Variants in CACNA2D1 observed in about 807,000 individuals in gnomAD.
The protein encoded by CACNA2D1 is voltage-dependent calcium channel subunit alpha-2/delta-1.
Under a neutral mutation model 171.5 loss-of-function variants are expected in CACNA2D1, and 53 were observed. That is an observed-to-expected ratio of 0.31 (90% confidence interval 0.25 to 0.39). The LOEUF (loss-of-function observed/expected upper bound fraction) is 0.39. Among genes scored for constraint, CACNA2D1 ranks in the 10% least tolerant of loss-of-function variants. The probability of loss-of-function intolerance (pLI) is 1.00; values close to 1 mark genes in which losing one functional copy is unlikely to be tolerated. For missense variants in CACNA2D1, 903 were observed against 1,299.8 expected (o/e 0.69, Z 4.69); for synonymous variants, 442 against 443.1 (o/e 1.00, Z 0.03).
intron 31 of CACNA2D1, among the ~76,000 whole-genome samples, chr7:81,966,205 T>G (rs1195696890): frequency 1.1e-5 from 1 of 95,224 alleles, no homozygotes; most frequent in Admixed American, 1.1e-4. Flanking sequence ...CCATGGTTAA[T>G]ACTTACTTCA....
At chr7:82,141,555 T>A (rs1375187501) in intron 4 of CACNA2D1, among the ~76,000 whole-genome samples, 1 of 151,966 alleles carries the variant, frequency 6.6e-6, no homozygotes, top group African/African-American at 2.4e-5. Context: ...ATTCAACAAT[T>A]ATTTTGGCAA....
At chr7:82,389,046 G>A (rs901841630) in intron 1 of CACNA2D1, among the ~76,000 whole-genome samples, 1 of 151,368 alleles carries the variant, frequency 6.6e-6, no homozygotes, top group African/African-American at 2.4e-5. Context: ...AACCTGGGAG[G>A]TGGAGGTTGC....
intron 21 of CACNA2D1, among the ~76,000 whole-genome samples, chr7:81,985,755 T>C (rs1459061003): frequency 1.3e-5 from 2 of 152,212 alleles, no homozygotes; most frequent in Non-Finnish European, 2.9e-5. Context: ...TAATAGGAAA[T>C]GTGTCTTGAG....
rs143230847 is a variant in CACNA2D1, at chr7:81,971,770, T to C, written c.2141+7A>G. On this transcript the variant is annotated splice_region_variant and intron_variant, in intron 26 of 38. Transcript: ENST00000356860. ...ACATATTTTTATTAATAAGAACAAATACTTACATATTTTTCTGCTTACTCC... is the reference window on the plus strand; with the variant it reads ...ACATATTTTTATTAATAAGAACAAACACTTACATATTTTTCTGCTTACTCC... The C allele has an allele frequency of 1.5e-5, 22 of 1,483,810 alleles. No homozygotes were observed. Among genetic ancestry groups the C allele is most frequent in the Non-Finnish European group, 1.9e-5 (20 of 1,062,620 alleles). The allele number at this position is 1,483,810 out of a possible 1,614,324, so 91.9% of individuals were successfully genotyped here. A position where few individuals can be genotyped will look rare whatever the true frequency, so the allele number is the denominator to read the frequency against.
At chr7:82,185,033 T>C (rs762521234) in intron 3 of CACNA2D1, among the ~76,000 whole-genome samples, 1 of 152,156 alleles carries the variant, frequency 6.6e-6, no homozygotes, top group Non-Finnish European at 1.5e-5. Context: ...GGCTACCTAT[T>C]CCAGAGTCCT....
At chr7:82,238,090 GA>G (rs954714604) in intron 3 of CACNA2D1, among the ~76,000 whole-genome samples, 22 of 152,030 alleles carry the variant, frequency 1.4e-4, no homozygotes, top group African/African-American at 4.8e-4. Flanking sequence ...ATGAGGAAAT[GA>G]AAAGATAGAG....
At position 82,049,949 on chromosome 7, in the gene CACNA2D1, C is replaced by T. The variant is rs118167855; in HGVS notation, c.879+10479G>A. Among the ~76,000 whole-genome samples, 110 of 152,248 alleles carry T rather than the reference C, an allele frequency of 7.2e-4. 3 individuals are homozygous for T. In the East Asian group the frequency reaches 0.02, roughly 28 times the overall value. ...CTCTGGCAAAAAGAGGGTCTGTTTT[C>T]TAAGAAACTTTTAGCACTGGGGGAT... On this transcript the variant is annotated intron_variant, in intron 10 of 38. Transcript: ENST00000356860.
chr7:82,066,167 C>A (rs1421464076), intron 8 of CACNA2D1, among the ~76,000 whole-genome samples: 1 of 151,968 alleles, frequency 6.6e-6, no homozygotes, highest in African/African-American at 2.4e-5. Flanking sequence ...TGGATCCCTG[C>A]CATAGAAATC....
At chr7:82,111,446 T>TATATA (rs1305523365) in intron 6 of CACNA2D1, among the ~76,000 whole-genome samples, 31 of 80,334 alleles carry the variant, frequency 3.9e-4, no homozygotes, top group East Asian at 1.6e-3. Context: ...ATATATATAT[T>TATATA]TTTTTTTTTT....
intron 1 of CACNA2D1, among the ~76,000 whole-genome samples, chr7:82,406,893 A>G (rs1427581355): frequency 6.6e-6 from 1 of 152,182 alleles, no homozygotes; most frequent in Non-Finnish European, 1.5e-5. Flanking sequence ...CTTTATCCAG[A>G]TAATTCCTCC....
chr7:82,111,258 A>C (rs1430202710), intron 6 of CACNA2D1, among the ~76,000 whole-genome samples: 2 of 143,386 alleles, frequency 1.4e-5, no homozygotes, highest in Non-Finnish European at 3.0e-5. Flanking sequence ...TTTCCTTGAT[A>C]TATATATATA....
At chr7:82,276,994 C>T (rs1411219618) in intron 3 of CACNA2D1, among the ~76,000 whole-genome samples, 1 of 152,074 alleles carries the variant, frequency 6.6e-6, no homozygotes, top group Non-Finnish European at 1.5e-5. Flanking sequence ...GATCTGCCTG[C>T]CTCAGCCTCC....
At chr7:82,186,655 A>T (rs1016035233) in intron 3 of CACNA2D1, among the ~76,000 whole-genome samples, 1 of 152,154 alleles carries the variant, frequency 6.6e-6, no homozygotes, top group Non-Finnish European at 1.5e-5. Flanking sequence ...TTTATTATAC[A>T]CTATTTTATC....
chr7:82,140,208 T>C (rs1368060556), intron 4 of CACNA2D1, among the ~76,000 whole-genome samples: 16 of 152,118 alleles, frequency 1.1e-4, no homozygotes, highest in Admixed American at 1.0e-3. Flanking sequence ...GAGAAAGCAC[T>C]TACTCAAATA....
chr7:82,151,144 A>G (rs1271251053), intron 4 of CACNA2D1, among the ~76,000 whole-genome samples: 1 of 152,144 alleles, frequency 6.6e-6, no homozygotes, highest in Non-Finnish European at 1.5e-5. Flanking sequence ...GTTAAATTGT[A>G]TTCTTTATTT....
intron 3 of CACNA2D1, among the ~76,000 whole-genome samples, chr7:82,222,429 C>A (rs142103530): frequency 6.6e-6 from 1 of 152,154 alleles, no homozygotes; most frequent in Non-Finnish European, 1.5e-5. Flanking sequence ...TACAAGGAGA[C>A]TCAGGACAAA....
chr7:82,358,837 T>G (rs1026486099), intron 1 of CACNA2D1, among the ~76,000 whole-genome samples: 2 of 152,192 alleles, frequency 1.3e-5, no homozygotes, highest in African/African-American at 4.8e-5. Flanking sequence ...GATCTTCTTT[T>G]CCACTATCTT....
At chr7:82,172,521 T>C (rs544230033) in intron 3 of CACNA2D1, among the ~76,000 whole-genome samples, 1 of 151,266 alleles carries the variant, frequency 6.6e-6, no homozygotes, top group South Asian at 2.1e-4. Context: ...GGTGCAATCA[T>C]AGCTCCCTGC....
chr7:82,106,638 TA>T (rs563941542), intron 6 of CACNA2D1, among the ~76,000 whole-genome samples: 2 of 151,872 alleles, frequency 1.3e-5, no homozygotes, highest in Admixed American at 6.6e-5. Flanking sequence ...CATAATAGAC[TA>T]AAAAAAATCA....
Sources: gnomAD v4.1 joint callset for allele counts (sites outside exome capture counted in the v4.1 genomes callset) on GRCh38, gnomAD v4.1.1 for gene constraint, MANE v1.5 for transcripts, NCBI Gene and HGNC (gene_info 2026-07-23, HGNC 2026-07-21) for gene names.